The following DYM variants were observed in gnomAD, a reference collection of about 807,000 sequenced individuals.
DYM encodes dyggve-Melchior-Clausen syndrome protein.
A neutral mutation model predicts 93.1 loss-of-function variants in DYM; 78 were observed. The observed-to-expected ratio is 0.84, with a 90% CI of 0.70 to 1.01. The LOEUF is 1.01. DYM is among the 50% of genes least tolerant of loss of function. The pLI is 0.00. For synonymous variants in DYM, 321 were observed against 319.7 expected (o/e 1.00, Z -0.04); for missense variants, 789 against 845.0 (o/e 0.93, Z 0.82).
chr18:49,128,034 T>C (rs2082990512), intron 15 of DYM, among the ~76,000 whole-genome samples: 1 of 152,212 alleles, frequency 6.6e-6, no homozygotes, highest in Non-Finnish European at 1.5e-5. Flanking sequence ...AAGTCGTTCT[T>C]TAACATACAC....
chr18:49,344,431 A>T (rs1050692444), intron 6 of DYM, among the ~76,000 whole-genome samples: 1 of 152,164 alleles, frequency 6.6e-6, no homozygotes, highest in Non-Finnish European at 1.5e-5. Context: ...TACAAGCCAA[A>T]GAACAAGAGA....
rs1035875671 is a variant in DYM, at chr18:49,205,387, G to A, written c.1625+4164C>T. On this transcript the variant is annotated intron_variant, in intron 14 of 17. Coordinates refer to ENST00000675505, the MANE Select transcript of DYM (RefSeq NM_001353214.3). ...GATCTGGTAATTCTATATGAGTCAA[G>A]GTGTGCCTGCTTTTAAAAATCACTC... is the stretch of plus-strand genomic sequence containing the variant. 7.2e-5 allele frequency among the ~76,000 whole-genome samples: 11 copies of A among 152,138 alleles called. No individual in the cohort carries two copies. The East Asian group carries it at 1.9e-3, about 27-fold the overall frequency.
intron 15 of DYM, among the ~76,000 whole-genome samples, chr18:49,150,780 T>C (rs867087249): frequency 2.6e-5 from 4 of 152,322 alleles, no homozygotes; most frequent in Middle Eastern, 3.4e-3. Context: ...ATGTCAAGCA[T>C]GATGCAAATT....
Position 49,155,089 on chromosome 18 carries a change from T to G in DYM, c.1728+8596A>C, listed in dbSNP as rs930434129. Among the ~76,000 whole-genome samples, 16 of 152,248 alleles carry G rather than the reference T, an allele frequency of 1.1e-4. 1 individual carries two copies. Among genetic ancestry groups the G allele is most frequent in the African/African-American group, 3.9e-4 (16 of 41,460 alleles). On this transcript the variant is annotated intron_variant, in intron 15 of 17. Transcript: ENST00000675505. ...ATACTTTATTTAATAAGTCCCTTAT[T>G]GAGGGATATTTTGCTTATTTCTATT...
intron 2 of DYM, among the ~76,000 whole-genome samples, chr18:49,409,812 T>C (rs111955738): frequency 0.019 from 2,830 of 152,228 alleles, 88 homozygotes; most frequent in African/African-American, 0.064. Flanking sequence ...TGTTGGTCAA[T>C]TGGTGTAGCA....
At chr18:49,386,819 T>C (rs535454763) in intron 3 of DYM, among the ~76,000 whole-genome samples, 2 of 152,328 alleles carry the variant, frequency 1.3e-5, no homozygotes, top group South Asian at 4.1e-4. Context: ...TTTTTACAAA[T>C]TGAAGGTTTG....
At chr18:49,202,492 C>G (rs1303495444) in intron 14 of DYM, among the ~76,000 whole-genome samples, 1 of 137,700 alleles carries the variant, frequency 7.3e-6, no homozygotes, top group Non-Finnish European at 1.6e-5. Flanking sequence ...CCTGGCTGCC[C>G]AGTCTGGAAA....
chr18:49,236,886 C>T (rs1274149965), intron 13 of DYM, among the ~76,000 whole-genome samples: 1 of 152,164 alleles, frequency 6.6e-6, no homozygotes, highest in African/African-American at 2.4e-5. Context: ...AATCAGTGGT[C>T]CCTCATCTTG....
At chr18:49,245,701 C>G (rs2094148337) in intron 13 of DYM, among the ~76,000 whole-genome samples, 3 of 152,128 alleles carry the variant, frequency 2.0e-5, no homozygotes, top group Admixed American at 1.3e-4. Context: ...TTGCCTTTGC[C>G]TTGTGATCTT....
At chr18:49,331,717 A>G (rs1404885174) in intron 8 of DYM, 147 bp downstream of exon 8, 11 of 862,458 alleles carry the variant, frequency 1.3e-5, no homozygotes, top group Non-Finnish European at 1.1e-5. Flanking sequence ...AAAGATTAAT[A>G]TTTTAATTAC....
At chr18:49,371,023 G>T (rs1262173030) in intron 5 of DYM, among the ~76,000 whole-genome samples, 1 of 152,206 alleles carries the variant, frequency 6.6e-6, no homozygotes, top group Non-Finnish European at 1.5e-5. Flanking sequence ...CCCTGAGGAT[G>T]AATGCCAGTT....
At chr18:49,306,739 G>C (rs146005559) in intron 8 of DYM, among the ~76,000 whole-genome samples, 1 of 152,264 alleles carries the variant, frequency 6.6e-6, no homozygotes, top group East Asian at 1.9e-4. Context: ...CCACTCTAAA[G>C]ACTAAGCTTA....
intron 1 of DYM, among the ~76,000 whole-genome samples, chr18:49,455,647 G>A (rs75657578): frequency 7.2e-5 from 11 of 152,182 alleles, no homozygotes; most frequent in Middle Eastern, 3.4e-3. Context: ...TGGGTTCAGA[G>A]AAATTAATTA....
chr18:49,049,243 C>T (rs1205690678), intron 17 of DYM, among the ~76,000 whole-genome samples: 1 of 152,106 alleles, frequency 6.6e-6, no homozygotes, highest in Non-Finnish European at 1.5e-5. Flanking sequence ...TATAGTTACT[C>T]ATTTCATCTT....
intron 17 of DYM, among the ~76,000 whole-genome samples, chr18:49,090,118 G>A (rs1049914898): frequency 2.0e-5 from 3 of 152,162 alleles, no homozygotes; most frequent in Non-Finnish European, 2.9e-5. Flanking sequence ...AGCAGTTTCC[G>A]GATCCATTTA....
chr18:49,251,142 T>C (rs1245993646), intron 13 of DYM, among the ~76,000 whole-genome samples: 7 of 152,194 alleles, frequency 4.6e-5, no homozygotes, highest in Non-Finnish European at 1.0e-4. Flanking sequence ...AGAGCACAGG[T>C]CAGATTTTTA....
chr18:49,195,916 CTTT>C (rs540189318), intron 14 of DYM, among the ~76,000 whole-genome samples: 1 of 84,026 alleles, frequency 1.2e-5, no homozygotes, highest in African/African-American at 5.6e-5. Flanking sequence ...ATGCTACCAT[CTTT>C]TTTTTTTTTT....
rs557922742 is a variant in DYM at position 49,257,165 on chromosome 18, T to C, written c.1366-61A>G. ...AGTCTTCTCTATATTTTAACCAAGG[T>C]TAACTATTAATAGAAGCAAATGTAA... On this transcript the variant is annotated intron_variant, in intron 12 of 17. Transcript: ENST00000675505. The C allele has an allele frequency of 1.5e-5, 19 of 1,305,992 alleles. No homozygotes were observed. In the South Asian group the frequency reaches 1.6e-4, roughly 11 times the overall value. 80.9% of individuals were successfully genotyped at this position (1,305,992 alleles called of 1,614,324 possible).
At chr18:49,262,639 A>G (rs2094507875) in intron 11 of DYM, among the ~76,000 whole-genome samples, 1 of 152,200 alleles carries the variant, frequency 6.6e-6, no homozygotes, top group South Asian at 2.1e-4. Flanking sequence ...GGAATACTCA[A>G]TACTAGTTAG....
Sources: gnomAD v4.1 joint callset for allele counts (sites outside exome capture counted in the v4.1 genomes callset) on GRCh38, gnomAD v4.1.1 for gene constraint, MANE v1.5 for transcripts, NCBI Gene and HGNC (gene_info 2026-07-23, HGNC 2026-07-21) for gene names.